The following NADK variants were observed in gnomAD, a reference collection of about 807,000 sequenced individuals.
NADK encodes poly(P)/ATP NAD kinase.
A neutral mutation model predicts 49.8 loss-of-function variants in NADK; 22 were observed. The ratio of observed to expected loss-of-function variants is 0.44; its 90% CI spans 0.32 to 0.63. The LOEUF (loss-of-function observed/expected upper bound fraction) is 0.63, where lower values mean the gene tolerates loss of function less well. NADK is among the 30% of genes least tolerant of loss of function. The pLI is 0.06. For missense variants in NADK, 438 were observed against 609.4 expected (o/e 0.72, Z 2.96); for synonymous variants, 268 against 253.7 (o/e 1.06, Z -0.54).
chr1:1,757,086 AGG>A, intron 4 of NADK, 93 bp downstream of exon 4: 1 of 1,525,760 alleles, frequency 6.6e-7, no homozygotes, highest in Non-Finnish European at 8.9e-7. Flanking sequence ...CCAGCACTTG[AGG>A]TGGTTCCCAT....
intron 7 of NADK, 139 bp downstream of exon 7, chr1:1,755,235 A>C (rs974989863): frequency 1.4e-6 from 1 of 708,894 alleles, no homozygotes; most frequent in Admixed American, 2.3e-5. Context: ...TGAACCACTC[A>C]AGATTTAGAA....
chr1:1,759,667 A>C (rs981377169), intron 3 of NADK: 9 of 1,486,014 alleles, frequency 6.1e-6, no homozygotes, highest in Non-Finnish European at 7.3e-6. Context: ...CAGAGCCCAG[A>C]GGGGGCGTGC....
At chr1:1,753,415 C>T in intron 11 of NADK, 152 bp downstream of exon 11, 2 of 658,184 alleles carry the variant, frequency 3.0e-6, no homozygotes, top group East Asian at 5.5e-5. Flanking sequence ...AGGACGGGTG[C>T]CCCGACTGTG....
chr1:1,759,007 C>T (rs559649286), intron 3 of NADK: 6 of 1,398,802 alleles, frequency 4.3e-6, no homozygotes, highest in Middle Eastern at 4.4e-4. Context: ...CAAGGGCGTG[C>T]AGGTGGCTCA....
Position 1,773,676 on chromosome 1 carries a change from TTGTGTGTGTGTGTGTGTG to T in NADK, c.-41+4595_-41+4612del, listed in dbSNP as rs57063985. ...TGCTACATTACCTAGAAGCTCTATTTTGTGTGTGTGTGTGTGTGTGTGTGTGTGTGTGTGTGTGTGTGT... is the reference window on the plus strand; with the variant it reads ...TGCTACATTACCTAGAAGCTCTATTTTGTGTGTGTGTGTGTGTGTGTGTGT... On this transcript the variant is annotated intron_variant, in intron 1 of 11. Transcript: ENST00000341426. Among the ~76,000 whole-genome samples, 569 of 116,704 alleles carry T rather than the reference TTGTGTGTGTGTGTGTGTG, an allele frequency of 4.9e-3. 14 individuals are homozygous for T. The highest frequency in any genetic ancestry group is 0.015 in the African/African-American group (485 of 32,718). 76.6% of individuals were successfully genotyped at this position (116,704 alleles called of 152,430 possible).
chr1:1,759,172 G>A (rs760166449), intron 3 of NADK: 76 of 1,566,234 alleles, frequency 4.9e-5, no homozygotes, highest in South Asian at 4.7e-5. Flanking sequence ...CAGCAGCGGC[G>A]TCGTACACCG....
At chr1:1,768,082 A>G (rs1230843815) in intron 1 of NADK, among the ~76,000 whole-genome samples, 1 of 151,860 alleles carries the variant, frequency 6.6e-6, no homozygotes, top group Non-Finnish European at 1.5e-5. Flanking sequence ...GAGGCAGGAG[A>G]AATGCTTGAA....
chr1:1,757,076 C>A (rs1645550205), intron 4 of NADK, 105 bp downstream of exon 4: 1 of 1,508,836 alleles, frequency 6.6e-7, no homozygotes, highest in African/African-American at 1.4e-5. Context: ...CAGCCGTTGC[C>A]CAGCACTTGA....
chr1:1,766,644 C>T (rs957919834), intron 1 of NADK, among the ~76,000 whole-genome samples: 1 of 151,464 alleles, frequency 6.6e-6, no homozygotes, highest in African/African-American at 2.4e-5. Flanking sequence ...TCAAAGAAAA[C>T]TGGTGAGGAT....
chr1:1,753,335 A>AG (rs1570492527), intron 11 of NADK, among the ~76,000 whole-genome samples: 1 of 151,006 alleles, frequency 6.6e-6, no homozygotes, highest in Non-Finnish European at 1.5e-5. Flanking sequence ...CAGCAGTGCC[A>AG]GGGGGGACAC....
chr1:1,762,118 C>A, intron 2 of NADK, 83 bp from the exon 3 acceptor site: 1 of 1,183,666 alleles, frequency 8.4e-7, no homozygotes. Context: ...GGAGGTTACA[C>A]GGTAAGGCAT....
intron 1 of NADK, among the ~76,000 whole-genome samples, chr1:1,767,169 A>C (rs1411996538): frequency 6.6e-6 from 1 of 152,144 alleles, no homozygotes; most frequent in African/African-American, 2.4e-5. Flanking sequence ...TGCCCGCCTC[A>C]GCATCCCGAA....
At chr1:1,775,674 C>T (rs1646190903) in intron 1 of NADK, among the ~76,000 whole-genome samples, 2 of 152,196 alleles carry the variant, frequency 1.3e-5, no homozygotes, top group African/African-American at 4.8e-5. Context: ...CCAGGCATCA[C>T]CTCCCTCTTC....
At chr1:1,769,038 C>T (rs938676238) in intron 1 of NADK, among the ~76,000 whole-genome samples, 5 of 152,212 alleles carry the variant, frequency 3.3e-5, no homozygotes, top group East Asian at 1.9e-4. Flanking sequence ...GCCCAGGCAC[C>T]GGCACTTTAA....
intron 3 of NADK, among the ~76,000 whole-genome samples, chr1:1,760,974 T>A (rs1033508274): frequency 9.9e-5 from 15 of 152,110 alleles, no homozygotes; most frequent in Non-Finnish European, 1.5e-5. Context: ...GGACTACAGG[T>A]GTGTGCAACG....
chr1:1,761,952 A>G lies in NADK; in HGVS notation c.263T>C (p.Met88Thr). ...CCCGTCCTGGGGCCCCAGCACTCAC[A>G]TGATGGTCTGGGGGTTCTGCAGCAC... ...ACVLQNPQTI[M>T]HIQDPASQRL... is the part of the protein sequence containing the mutation. The change falls in exon 3 of 12, where the codon ATG becomes ACG. Residue 88 changes from methionine (M) to threonine (T), a missense_variant and splice_region_variant. Physicochemically the swap from Met to Thr is moderately conservative, Grantham distance 81. Coordinates refer to ENST00000341426, the MANE Select transcript of NADK (RefSeq NM_023018.5). 2 of 1,613,680 alleles carry G rather than the reference A, an allele frequency of 1.2e-6. No individual in the cohort carries two copies. The highest frequency in any genetic ancestry group is 1.7e-6 in the Non-Finnish European group (2 of 1,179,734).
chr1:1,773,131 T>C (rs1033956427), intron 1 of NADK, among the ~76,000 whole-genome samples: 1 of 151,742 alleles, frequency 6.6e-6, no homozygotes, highest in African/African-American at 2.4e-5. Flanking sequence ...TCCTATGAAT[T>C]AGTCTATGAT....
intron 2 of NADK, among the ~76,000 whole-genome samples, chr1:1,762,964 G>A (rs1054675524): frequency 5.3e-5 from 8 of 152,202 alleles, no homozygotes; most frequent in African/African-American, 1.9e-4. Context: ...CTCGTCCTAG[G>A]TGCCCGGGAG....
intron 10 of NADK, 64 bp from the exon 11 acceptor site, chr1:1,753,713 C>A (rs563908935): frequency 2.9e-6 from 4 of 1,400,368 alleles, no homozygotes; most frequent in South Asian, 1.2e-5. Context: ...TAGGCACCCA[C>A]CCCTGAGTGC....
Sources: allele counts gnomAD v4.1 joint callset (sites outside exome capture counted in the v4.1 genomes callset), GRCh38; gene constraint gnomAD v4.1.1; transcripts MANE v1.5; gene names NCBI Gene and HGNC (gene_info 2026-07-23, HGNC 2026-07-21).